Variants in EP300 observed in about 807,000 individuals in gnomAD.
EP300 encodes EP300 lysine acetyltransferase.
EP300 carries 31 observed loss-of-function variants against 264.0 expected under a neutral mutation model. That is an observed-to-expected ratio of 0.12 (90% CI 0.09 to 0.16). The LOEUF is 0.16. Among genes scored for constraint, EP300 ranks in the 10% least tolerant of loss-of-function variants. The pLI is 1.00. For missense variants in EP300, 2,766 were observed against 3,052.9 expected (o/e 0.91, Z 2.21); for synonymous variants, 1,340 against 1,045.4 (o/e 1.28, Z -5.44).
At chr22:41,144,704 A>G (rs970608752) in intron 10 of EP300, among the ~76,000 whole-genome samples, 1 of 152,130 alleles carries the variant, frequency 6.6e-6, no homozygotes, top group Non-Finnish European at 1.5e-5. Context: ...CCTTTAAATA[A>G]TTCATCAAGT....
rs149148118 is a variant in EP300 at position 41,145,856 on chromosome 22, C to T, written c.2054-883C>T. ...TTCACCGTGCTATCTAGGATGGTCT[C>T]GATCTCCTGACCTCGTGATCCGCCC... is the stretch of plus-strand genomic sequence containing the variant. On this transcript the variant is annotated intron_variant, in intron 10 of 30. Coordinates refer to ENST00000263253, the MANE Select transcript of EP300 (RefSeq NM_001429.4). 4.4e-3 allele frequency among the ~76,000 whole-genome samples: 665 copies of T among 151,946 alleles called. 2 individuals are homozygous for T. Among genetic ancestry groups the T allele is most frequent in the African/African-American group, 0.015 (616 of 41,434 alleles).
chr22:41,155,200 C>T lies in EP300; in HGVS notation c.3261+87C>T, dbSNP rs2059070127. 1.1e-5 allele frequency: 11 copies of T among 1,013,010 alleles called. 1 individual carries two copies. In the South Asian group the frequency reaches 1.4e-4, roughly 13 times the overall value. The allele number at this position is 1,013,010 out of a possible 1,614,324, so 62.8% of individuals were successfully genotyped here. A position where few individuals can be genotyped will look rare whatever the true frequency, so the allele number is the denominator to read the frequency against. On this transcript the variant is annotated intron_variant, in intron 17 of 30. Transcript: ENST00000263253. The stretch of plus-strand genomic sequence containing the variant: ...TAATTCACATTCCAAACAGTATAGC[C>T]ACTCATTTCAAATTTGTAATTCAGT...
At chr22:41,167,513 T>G (rs993143259) in intron 23 of EP300, among the ~76,000 whole-genome samples, 1 of 148,166 alleles carries the variant, frequency 6.7e-6, no homozygotes, top group Non-Finnish European at 1.5e-5. Flanking sequence ...TTTAAAATAT[T>G]ACTGCAATCT....
At chr22:41,167,318 T>C (rs1442782291) in intron 23 of EP300, among the ~76,000 whole-genome samples, 3 of 152,040 alleles carry the variant, frequency 2.0e-5, no homozygotes, top group African/African-American at 7.2e-5. Flanking sequence ...ACCATTTATA[T>C]GGGCTACCTT....
intron 17 of EP300, among the ~76,000 whole-genome samples, chr22:41,156,308 C>T (rs118140539): frequency 6.0e-4 from 91 of 152,284 alleles, no homozygotes; most frequent in East Asian, 3.9e-3. Flanking sequence ...CCACCGCACC[C>T]GGCCACTTTC....
chr22:41,154,210 C>T (rs1022120981), intron 16 of EP300, among the ~76,000 whole-genome samples: 44 of 152,088 alleles, frequency 2.9e-4, no homozygotes, highest in African/African-American at 9.6e-4. Context: ...AAATACCAAG[C>T]ATTTGAACGA....
In EP300 at chr22:41,092,887, T is replaced by C. The variant is rs2145665086; in HGVS notation, c.-118T>C. On this transcript the variant is annotated 5_prime_UTR_variant, in exon 1 of 31. Transcript: ENST00000263253. ...AGAAAAAGGAACTTCCCCCACCCCC[T>C]CGGGTGCCGTCGGAGCCCCCCAGCC... is the stretch of plus-strand genomic sequence containing the variant. 1 of 1,079,632 alleles carries C rather than the reference T, an allele frequency of 9.3e-7. No homozygotes were observed. The highest frequency in any genetic ancestry group is 1.4e-6 in the Non-Finnish European group (1 of 695,492). The allele number at this position is 1,079,632 out of a possible 1,614,324, so 66.9% of individuals were successfully genotyped here. A position where few individuals can be genotyped will look rare whatever the true frequency, so the allele number is the denominator to read the frequency against.
intron 1 of EP300, chr22:41,108,073 GACA>G (rs2058767768): frequency 6.6e-6 from 1 of 151,444 alleles, no homozygotes; most frequent in Non-Finnish European, 1.5e-5. Flanking sequence ...CAATATAGAA[GACA>G]ACAAGGGTGA....
chr22:41,103,033 A>G (rs1023372672), intron 1 of EP300, among the ~76,000 whole-genome samples: 1 of 152,106 alleles, frequency 6.6e-6, no homozygotes, highest in African/African-American at 2.4e-5. Context: ...TATTTTTAGT[A>G]GAGATGGGGT....
At chr22:41,112,184 G>A (rs1292967232) in intron 1 of EP300, among the ~76,000 whole-genome samples, 1 of 150,828 alleles carries the variant, frequency 6.6e-6, no homozygotes, top group East Asian at 1.9e-4. Flanking sequence ...CACCATGCCT[G>A]GCCACCTATT....
intron 1 of EP300, among the ~76,000 whole-genome samples, chr22:41,101,414 C>CTT (rs72279139): frequency 9.7e-4 from 135 of 139,182 alleles, no homozygotes; most frequent in Middle Eastern, 3.8e-3. Flanking sequence ...TTACATGGAT[C>CTT]TTTTTTTTTT....
chr22:41,164,298 A>T (rs2059123386), intron 22 of EP300, among the ~76,000 whole-genome samples, 168 bp downstream of exon 22: 1 of 152,214 alleles, frequency 6.6e-6, no homozygotes, highest in Admixed American at 6.5e-5. Context: ...AAAATTAAGT[A>T]ACCTAGTATC....
chr22:41,166,641 G>C lies in EP300; in HGVS notation c.3849G>C (p.Arg1283Ser). The C allele has an allele frequency of 6.2e-7, 1 of 1,612,074 alleles. No homozygotes were observed. Among genetic ancestry groups the C allele is most frequent in the East Asian group, 2.2e-5 (1 of 44,738 alleles). The change falls in exon 23 of 31, where the codon AGG (arginine) becomes AGC (serine). Residue 1283 changes from arginine to serine, a missense_variant. Physicochemically the swap from Arg to Ser is moderately radical, Grantham distance 110 (BLOSUM62 -1). Coordinates refer to ENST00000263253, the MANE Select transcript of EP300 (RefSeq NM_001429.4). ...GTTTAAAGAAAAGTGCACGAACTAGGAAAGAAAATAAGTTTTCTGCTAAAA... is the reference window on the plus strand; with the variant it reads ...GTTTAAAGAAAAGTGCACGAACTAGCAAAGAAAATAAGTTTTCTGCTAAAA... ...DGCLKKSART[R>S]KENKFSAKRL...
At position 41,162,764 on chromosome 22, in the gene EP300, C is replaced by A; in HGVS notation, c.3713C>A (p.Thr1238Lys). Residue 1238 changes from threonine (T) to lysine (K), a missense_variant, in exon 21 of 31, where the codon ACA becomes AAA. By Grantham distance (78) the Thr-to-Lys change is moderately conservative. Transcript: ENST00000263253. ...KEQFSKRKND[T>K]LDPELFVECT... ...CAATTTTCCAAGAGAAAAAATGACA[C>A]ACTGGATCCTGAACTGTAAGTACGA... The A allele has an allele frequency of 6.2e-7, 1 of 1,612,852 alleles. No individual in the cohort carries two copies. Among genetic ancestry groups the A allele is most frequent in the Non-Finnish European group, 8.5e-7 (1 of 1,178,918 alleles).
chr22:41,131,246 G>A (rs1177489610), intron 5 of EP300, 142 bp from the exon 6 acceptor site: 6 of 974,866 alleles, frequency 6.2e-6, no homozygotes, highest in Admixed American at 2.1e-5. Context: ...TTTCTTCCAG[G>A]AAATAATGGA....
chr22:41,134,097 C>G (rs981206873), intron 6 of EP300, among the ~76,000 whole-genome samples: 3 of 147,154 alleles, frequency 2.0e-5, no homozygotes, highest in Non-Finnish European at 4.5e-5. Context: ...TTTTAATATT[C>G]TTTAGATTCT....
intron 15 of EP300, 65 bp from the exon 16 acceptor site, chr22:41,152,141 G>A (rs1001375706): frequency 2.1e-5 from 33 of 1,589,388 alleles, no homozygotes; most frequent in Non-Finnish European, 2.8e-5. Context: ...GAGAAAGGGT[G>A]TTCAGATTAC....
rs1399265656 is a variant in EP300, at chr22:41,149,919, C to G, written c.2538C>G (p.Pro846=). The change falls in exon 14 of 31, where the codon CCC becomes CCG. Residue 846 remains proline (P), a synonymous_variant. Coordinates refer to ENST00000263253, the MANE Select transcript of EP300 (RefSeq NM_001429.4). ...PSRTPTPHHT[P]PSIGAQQPPA... ...GTACCCCCACCCCTCACCATACTCC[C>G]CCAAGCATAGGGGCTCAGCAGCCAC... 1 of 1,613,932 alleles carries G rather than the reference C, an allele frequency of 6.2e-7. No homozygotes were observed. The highest frequency in any genetic ancestry group is 1.7e-5 in the Admixed American group (1 of 59,990).
intron 6 of EP300, among the ~76,000 whole-genome samples, chr22:41,132,587 C>G (rs1470334883): frequency 1.3e-5 from 2 of 151,974 alleles, no homozygotes; most frequent in Non-Finnish European, 2.9e-5. Flanking sequence ...GCACCCGGCC[C>G]AACAATCTCT....
Sources: allele counts gnomAD v4.1 joint callset (sites outside exome capture counted in the v4.1 genomes callset), GRCh38; gene constraint gnomAD v4.1.1; transcripts MANE v1.5; gene names NCBI Gene and HGNC (gene_info 2026-07-23, HGNC 2026-07-21).